The following ACAP2 variants were observed in gnomAD, a reference collection of about 807,000 sequenced individuals.
ACAP2 encodes arf-GAP with coiled-coil, ANK repeat and PH domain-containing protein 2.
Under a neutral mutation model 115.8 loss-of-function variants are expected in ACAP2, and 39 were observed. The observed-to-expected ratio is 0.34, with a 90% confidence interval of 0.26 to 0.44. The LOEUF (loss-of-function observed/expected upper bound fraction) is 0.44, where lower values mean the gene tolerates loss of function less well. Among genes scored for constraint, ACAP2 ranks in the 20% least tolerant of loss-of-function variants. The pLI is 1.00. For synonymous variants in ACAP2, 289 were observed against 315.8 expected (o/e 0.92, Z 0.90); for missense variants, 662 against 927.6 (o/e 0.71, Z 3.72).
chr3:195,434,227 C>T (rs546196096), intron 1 of ACAP2, among the ~76,000 whole-genome samples: 7 of 151,644 alleles, frequency 4.6e-5, no homozygotes, highest in African/African-American at 1.5e-4. Flanking sequence ...CCATGTTTGG[C>T]CTGGTTTTGT....
intron 2 of ACAP2, among the ~76,000 whole-genome samples, chr3:195,391,749 C>A (rs757026305): frequency 6.6e-6 from 1 of 152,000 alleles, no homozygotes; most frequent in Non-Finnish European, 1.5e-5. Context: ...AATCCTAGCA[C>A]TTTGGGAGGC....
chr3:195,286,385 T>G (rs1726846342), intron 21 of ACAP2, among the ~76,000 whole-genome samples: 1 of 152,258 alleles, frequency 6.6e-6, no homozygotes, highest in African/African-American at 2.4e-5. Context: ...ATTACCATAT[T>G]GCTTATACAT....
intron 10 of ACAP2, among the ~76,000 whole-genome samples, chr3:195,311,671 G>T (rs1728778075): frequency 1.4e-5 from 2 of 145,560 alleles, no homozygotes; most frequent in African/African-American, 4.9e-5. Flanking sequence ...TGAGTAGCTG[G>T]GATTACAGGC....
chr3:195,326,992 TA>T (rs146969467), intron 8 of ACAP2, 33 bp from the exon 9 acceptor site: 3 of 1,569,310 alleles, frequency 1.9e-6, no homozygotes, highest in Admixed American at 1.7e-5. Context: ...ACTGCAGACT[TA>T]AAAAAAGTAT....
At chr3:195,346,502 C>T (rs1014288106) in intron 4 of ACAP2, among the ~76,000 whole-genome samples, 1 of 152,056 alleles carries the variant, frequency 6.6e-6, no homozygotes, top group Non-Finnish European at 1.5e-5. Flanking sequence ...ATTCAACAGA[C>T]GAAATGGACA....
intron 13 of ACAP2, among the ~76,000 whole-genome samples, chr3:195,304,660 A>C (rs1291082159): frequency 6.6e-6 from 1 of 152,202 alleles, no homozygotes; most frequent in African/African-American, 2.4e-5. Context: ...ATATACATAC[A>C]ATATGCTAAG....
chr3:195,325,111 T>G (rs1239646028), intron 9 of ACAP2, among the ~76,000 whole-genome samples: 1 of 152,048 alleles, frequency 6.6e-6, no homozygotes, highest in Non-Finnish European at 1.5e-5. Context: ...AATCTGAAAG[T>G]CTCATAATAT....
At chr3:195,328,972 C>A (rs1259828528) in intron 8 of ACAP2, among the ~76,000 whole-genome samples, 2 of 150,874 alleles carry the variant, frequency 1.3e-5, no homozygotes, top group Non-Finnish European at 2.9e-5. Flanking sequence ...CCCAGCTACT[C>A]GGGAGGCTAA....
intron 2 of ACAP2, among the ~76,000 whole-genome samples, chr3:195,389,137 C>A (rs823307): frequency 0.15 from 22,443 of 151,756 alleles, 2,133 homozygotes; most frequent in Admixed American, 0.27. Context: ...TTTAAGCTGT[C>A]AGGTTTCCAT....
At chr3:195,398,426 C>T (rs1023605528) in intron 1 of ACAP2, among the ~76,000 whole-genome samples, 2 of 151,948 alleles carry the variant, frequency 1.3e-5, no homozygotes, top group African/African-American at 4.8e-5. Flanking sequence ...AGGTAGATCA[C>T]GGGAGGTCAG....
chr3:195,294,390 CA>C (rs1433265512), intron 18 of ACAP2, among the ~76,000 whole-genome samples: 1 of 150,842 alleles, frequency 6.6e-6, no homozygotes, highest in Non-Finnish European at 1.5e-5. Flanking sequence ...CCAGCCTGGC[CA>C]ATGTGGTGAA....
At chr3:195,404,287 G>C (rs1251033306) in intron 1 of ACAP2, among the ~76,000 whole-genome samples, 1 of 152,124 alleles carries the variant, frequency 6.6e-6, no homozygotes, top group African/African-American at 2.4e-5. Flanking sequence ...CAAACAAGAG[G>C]ACTAAGAATT....
intron 1 of ACAP2, among the ~76,000 whole-genome samples, chr3:195,423,813 A>G (rs528269242): frequency 6.6e-6 from 1 of 152,226 alleles, no homozygotes; most frequent in Non-Finnish European, 1.5e-5. Context: ...TTCATGTGTC[A>G]TGAAATTTTT....
chr3:195,283,577 T>C (rs942625259), intron 22 of ACAP2, among the ~76,000 whole-genome samples: 1 of 152,092 alleles, frequency 6.6e-6, no homozygotes, highest in African/African-American at 2.4e-5. Context: ...AAATGTACAG[T>C]GATAAGCAGA....
intron 7 of ACAP2, among the ~76,000 whole-genome samples, chr3:195,334,126 A>G (rs965934838): frequency 7.2e-5 from 11 of 151,930 alleles, no homozygotes; most frequent in Non-Finnish European, 1.5e-4. Flanking sequence ...AAACATCCAT[A>G]TTATTTTCAA....
intron 1 of ACAP2, chr3:195,412,890 TA>T: frequency 2.2e-6 from 1 of 456,482 alleles, no homozygotes; most frequent in South Asian, 1.5e-5. Context: ...CAGCAAGCGG[TA>T]AAACAAGCCC....
At chr3:195,351,129 T>TTTTTTTG (rs75945777) in intron 4 of ACAP2, among the ~76,000 whole-genome samples, 2,814 of 131,098 alleles carry the variant, frequency 0.021, 82 homozygotes, top group East Asian at 0.06. Context: ...TTTTTTTTTT[T>TTTTTTTG]GGGCGGGGGA....
At chr3:195,346,882 A>C (rs1385932597) in intron 4 of ACAP2, among the ~76,000 whole-genome samples, 2 of 152,204 alleles carry the variant, frequency 1.3e-5, no homozygotes, top group Non-Finnish European at 2.9e-5. Context: ...GCATTTTGCT[A>C]AGTGAAACAA....
At chr3:195,427,879 C>T (rs1245303343) in intron 1 of ACAP2, among the ~76,000 whole-genome samples, 2 of 151,946 alleles carry the variant, frequency 1.3e-5, no homozygotes, top group Non-Finnish European at 2.9e-5. Flanking sequence ...TGCACTCCAA[C>T]TTGGGTGACA....
Sources: allele counts gnomAD v4.1 joint callset (sites outside exome capture counted in the v4.1 genomes callset), GRCh38; gene constraint gnomAD v4.1.1; transcripts MANE v1.5; gene names NCBI Gene and HGNC (gene_info 2026-07-23, HGNC 2026-07-21).